TRMT1L: variants seen among roughly 807,000 people sequenced by gnomAD.
The protein encoded by TRMT1L is tRNA (guanine(27)-N(2))-dimethyltransferase.
In TRMT1L, 28 loss-of-function variants were observed where a neutral mutation model predicts 81.6. That is an observed-to-expected ratio of 0.34 (90% confidence interval 0.25 to 0.47). The LOEUF (loss-of-function observed/expected upper bound fraction) is 0.47, where lower values mean the gene tolerates loss of function less well. Ranked by LOEUF, TRMT1L falls within the 20% of genes least tolerant of loss-of-function variation. TRMT1L has a pLI of 1.00. For synonymous variants in TRMT1L, 301 were observed against 303.2 expected (o/e 0.99, Z 0.07); for missense variants, 739 against 877.1 (o/e 0.84, Z 1.99).
In TRMT1L at chr1:185,139,438, G is replaced by T. The variant is rs777320503; in HGVS notation, c.1251C>A (p.Tyr417Ter). Residue 417 changes from tyrosine to a stop codon, truncating the protein, a stop_gained, in exon 9 of 15, where the codon TAC becomes TAA. Coordinates refer to ENST00000367506, the MANE Select transcript of TRMT1L (RefSeq NM_030934.5). LOFTEE classifies it high-confidence loss of function. Reference sequence around the variant, plus strand: ...ATTCAGTTCGGACAATGTTACATCCGTAGTGACGCCGGGCAACATGCTGTG... The same window carrying T: ...ATTCAGTTCGGACAATGTTACATCCTTAGTGACGCCGGGCAACATGCTGTG... ...AKAQHVARRH[Y>*]GCNIVRTEYY... is the part of the protein sequence containing the mutation. 1 of 1,614,006 alleles carries T rather than the reference G, an allele frequency of 6.2e-7. No homozygotes were observed. Among genetic ancestry groups the T allele is most frequent in the African/African-American group, 1.3e-5 (1 of 74,922 alleles).
intron 10 of TRMT1L, among the ~76,000 whole-genome samples, chr1:185,130,496 A>G (rs1571345265): frequency 6.6e-6 from 1 of 152,344 alleles, no homozygotes; most frequent in East Asian, 1.9e-4. Flanking sequence ...CATAAGCCTG[A>G]AATGGATAGA....
chr1:185,144,045 GAA>G lies in TRMT1L; in HGVS notation c.656-18_656-17del. ...GCAGTGGAAGCTAAGATGGAAAAAA[GAA>G]AAGATTTCCAGGGAAACACAAAATA... On this transcript the variant is annotated splice_polypyrimidine_tract_variant and intron_variant, in intron 5 of 14. Coordinates refer to ENST00000367506, the MANE Select transcript of TRMT1L (RefSeq NM_030934.5). 6.4e-7 allele frequency: 1 copy of G among 1,552,112 alleles called. No homozygotes were observed. The highest frequency in any genetic ancestry group is 1.4e-5 in the African/African-American group (1 of 72,002).
At chr1:185,128,207 C>T (rs981449063) in intron 11 of TRMT1L, among the ~76,000 whole-genome samples, 4 of 152,200 alleles carry the variant, frequency 2.6e-5, no homozygotes, top group African/African-American at 9.6e-5. Context: ...TAAATATTTC[C>T]AATTGTGTAT....
At chr1:185,156,991 G>A, upstream of TRMT1L, 1 of 478,636 alleles carries the variant, frequency 2.1e-6, no homozygotes, top group East Asian at 4.1e-5. Flanking sequence ...TACTGGGGAC[G>A]GCGTCCAATT....
chr1:185,122,426 C>G (rs182411729), intron 13 of TRMT1L, among the ~76,000 whole-genome samples: 15 of 152,074 alleles, frequency 9.9e-5, no homozygotes, highest in African/African-American at 3.4e-4. Flanking sequence ...AGATTAAAAA[C>G]AAATTTTTTT....
At chr1:185,152,499 G>C (rs1402030522) in intron 1 of TRMT1L, among the ~76,000 whole-genome samples, 1 of 152,204 alleles carries the variant, frequency 6.6e-6, no homozygotes, top group South Asian at 2.1e-4. Context: ...TAAATTCTAC[G>C]CAAGTTAGTT....
chr1:185,152,232 CTTCAAAGAACT>C (rs1421747901), intron 1 of TRMT1L, among the ~76,000 whole-genome samples: 4 of 152,200 alleles, frequency 2.6e-5, no homozygotes, highest in African/African-American at 9.6e-5. Flanking sequence ...TGTTTTCTAT[CTTCAAAGAACT>C]TTCAATCAGG....
Position 185,119,048 on chromosome 1 carries a change from T to A in TRMT1L, c.*971A>T, listed in dbSNP as rs1399376111. On this transcript the variant is annotated 3_prime_UTR_variant, in exon 15 of 15. Transcript: ENST00000367506. Reference sequence around the variant, plus strand: ...GAGAATTCCATTAAGGAAACAATATTTTTTTTTTCAACTAATTTTTATAGT... The same window carrying A: ...GAGAATTCCATTAAGGAAACAATATATTTTTTTTCAACTAATTTTTATAGT... 1.6e-5 allele frequency: 2 copies of A among 123,120 alleles called. No homozygotes were observed. Among genetic ancestry groups the A allele is most frequent in the African/African-American group, 3.4e-5 (1 of 29,514 alleles). The allele number at this position is 123,120 out of a possible 1,614,324, so 7.6% of individuals were successfully genotyped here.
rs1006930770 is a variant in TRMT1L at position 185,118,336 on chromosome 1, C to T, written c.*1683G>A. 1.4e-4 allele frequency: 21 copies of T among 152,012 alleles called. No homozygotes were observed. The highest frequency in any genetic ancestry group is 5.1e-4 in the African/African-American group (21 of 41,372). The allele number at this position is 152,012 out of a possible 1,614,324, so 9.4% of individuals were successfully genotyped here. A position where few individuals can be genotyped will look rare whatever the true frequency, so the allele number is the denominator to read the frequency against. On this transcript the variant is annotated 3_prime_UTR_variant, in exon 15 of 15. Transcript: ENST00000367506. The stretch of plus-strand genomic sequence containing the variant: ...TACCTTTATATGTGAAATTAATATA[C>T]ACATATATTTTAGGTAACAGTAATT...
intron 10 of TRMT1L, among the ~76,000 whole-genome samples, chr1:185,130,192 G>A (rs983688785): frequency 7.4e-4 from 112 of 152,178 alleles, no homozygotes; most frequent in African/African-American, 2.6e-3. Context: ...ATAATGAAGC[G>A]GTAAAGTAGA....
At chr1:185,123,740 T>G in intron 13 of TRMT1L, 117 bp downstream of exon 13, 1 of 636,948 alleles carries the variant, frequency 1.6e-6, no homozygotes, top group South Asian at 2.1e-5. Flanking sequence ...TGTTGTCATA[T>G]AATATGAAAT....
chr1:185,143,352 C>T lies in TRMT1L; in HGVS notation c.859+5G>A. The T allele has an allele frequency of 6.3e-7, 1 of 1,595,566 alleles. No individual in the cohort carries two copies. The highest frequency in any genetic ancestry group is 8.5e-7 in the Non-Finnish European group (1 of 1,171,200). The stretch of plus-strand genomic sequence containing the variant: ...ATGGGGTTCCAAAAAAGTGTCCTCA[C>T]TTACCAGTGGCTCCAAAAGCATCTA... On this transcript the variant is annotated splice_donor_5th_base_variant and intron_variant, in intron 7 of 14. Coordinates refer to ENST00000367506, the MANE Select transcript of TRMT1L (RefSeq NM_030934.5).
chr1:185,150,289 T>C, intron 3 of TRMT1L, 90 bp downstream of exon 3: 1 of 850,334 alleles, frequency 1.2e-6, no homozygotes. Context: ...ACTGAAAATA[T>C]TTGATTATAC....
At chr1:185,136,319 G>A (rs948820685) in intron 10 of TRMT1L, among the ~76,000 whole-genome samples, 3 of 152,092 alleles carry the variant, frequency 2.0e-5, no homozygotes, top group Non-Finnish European at 4.4e-5. Context: ...TGAGGCAGGA[G>A]AATTGCTTGA....
At position 185,120,391 on chromosome 1, in the gene TRMT1L, A is replaced by G; in HGVS notation, c.1941T>C (p.Asn647=). The part of the protein sequence containing the change: ...NIHRHSIKGM[N]MPKLKKFLCY... ...TTCACTGGGTGTCTTACTTTGGCAT[A>G]TTCATTCCTTTAATGCTGTGTCTGT... is the stretch of plus-strand genomic sequence containing the variant. The change falls in exon 14 of 15, where the codon AAT becomes AAC. Residue 647 remains asparagine (N), a synonymous_variant. Coordinates refer to ENST00000367506, the MANE Select transcript of TRMT1L (RefSeq NM_030934.5). 4 of 1,574,954 alleles carry G rather than the reference A, an allele frequency of 2.5e-6. No homozygotes were observed. The highest frequency in any genetic ancestry group is 2.6e-6 in the Non-Finnish European group (3 of 1,163,126).
At chr1:185,148,501 A>G (rs987315939) in intron 3 of TRMT1L, among the ~76,000 whole-genome samples, 3 of 152,226 alleles carry the variant, frequency 2.0e-5, no homozygotes, top group African/African-American at 7.2e-5. Context: ...AAACCTGCTC[A>G]CTGAGACAAA....
Position 185,137,589 on chromosome 1 carries a change from A to G in TRMT1L, c.1513+17T>C, listed in dbSNP as rs777715132. The G allele has an allele frequency of 3.1e-6, 5 of 1,606,538 alleles. No individual in the cohort carries two copies. In the East Asian group the frequency reaches 1.1e-4, roughly 36 times the overall value. ...GTGGAGGATTATAGATAAACATAATATATAACTTGAATTTACCTTCTACCA... is the reference window on the plus strand; with the variant it reads ...GTGGAGGATTATAGATAAACATAATGTATAACTTGAATTTACCTTCTACCA... On this transcript the variant is annotated intron_variant, in intron 10 of 14. Transcript: ENST00000367506.
intron 10 of TRMT1L, among the ~76,000 whole-genome samples, chr1:185,132,834 G>A (rs773625906): frequency 1.2e-4 from 18 of 152,224 alleles, no homozygotes; most frequent in Middle Eastern, 3.4e-3. Context: ...GCAATCTATA[G>A]GAAAAAGTGT....
At position 185,139,481 on chromosome 1, in the gene TRMT1L, C is replaced by G; in HGVS notation, c.1208G>C (p.Ser403Thr). The G allele has an allele frequency of 1.2e-6, 2 of 1,614,152 alleles. No individual in the cohort carries two copies. The highest frequency in any genetic ancestry group is 1.3e-5 in the African/African-American group (1 of 75,052). The change falls in exon 9 of 15, where the codon AGT becomes ACT. Residue 403 changes from serine to threonine, a missense_variant. Ser to Thr is a moderately conservative substitution (Grantham distance 58). Transcript: ENST00000367506. ...ATGCTGTGCCTTGGCATATAAAGAA[C>G]TGATATCTGTAGAAGTCACTGACAC... ...GIVSVTSTDI[S>T]SLYAKAQHVA...
Sources: gnomAD v4.1 joint callset for allele counts (sites outside exome capture counted in the v4.1 genomes callset) on GRCh38, gnomAD v4.1.1 for gene constraint, MANE v1.5 for transcripts, NCBI Gene and HGNC (gene_info 2026-07-23, HGNC 2026-07-21) for gene names.